SLC41A2: variants seen among roughly 807,000 people sequenced by gnomAD.
SLC41A2 encodes SLC41A1-like 1.
SLC41A2 carries 32 observed loss-of-function variants against 58.3 expected under a neutral mutation model. That is an observed-to-expected ratio of 0.55 (90% CI 0.41 to 0.74). The LOEUF is 0.74. SLC41A2 is among the 30% of genes least tolerant of loss of function. SLC41A2 has a pLI of 0.00. For synonymous variants in SLC41A2, 190 were observed against 235.0 expected, an observed-to-expected ratio of 0.81 and a Z score of 1.75; for missense variants, 514 against 680.6, an observed-to-expected ratio of 0.76 and a Z score of 2.72.
chr12:104,830,709 T>TTCTTCATA (rs2136278776), intron 10 of SLC41A2, among the ~76,000 whole-genome samples: 1 of 152,244 alleles, frequency 6.6e-6, no homozygotes, highest in African/African-American at 2.4e-5. Flanking sequence ...ACACTTAATA[T>TTCTTCATA]TTCTTCATAT....
At chr12:104,808,274 GAAGCA>G (rs2041012363) in intron 10 of SLC41A2, among the ~76,000 whole-genome samples, 3 of 152,170 alleles carry the variant, frequency 2.0e-5, no homozygotes, top group Admixed American at 1.3e-4. Flanking sequence ...TTTTTAGCAG[GAAGCA>G]TTGTTGAATT....
At chr12:104,833,971 A>G (rs2042125986) in intron 10 of SLC41A2, 6 of 961,132 alleles carry the variant, frequency 6.2e-6, no homozygotes, top group Non-Finnish European at 7.4e-6. Flanking sequence ...CAGGATTCAG[A>G]GCACAGGAAG....
chr12:104,951,697 G>A (rs1019387083), intron 1 of SLC41A2, among the ~76,000 whole-genome samples: 2 of 151,698 alleles, frequency 1.3e-5, no homozygotes, highest in Non-Finnish European at 2.9e-5. Flanking sequence ...TCATTTGTAA[G>A]AACAAAATCT....
At chr12:104,844,025 G>T (rs532139367) in intron 10 of SLC41A2, among the ~76,000 whole-genome samples, 7 of 152,190 alleles carry the variant, frequency 4.6e-5, no homozygotes, top group African/African-American at 1.7e-4. Flanking sequence ...TCTCTTCAAA[G>T]AACTATTTGA....
Position 104,862,331 on chromosome 12 carries a change from G to A in SLC41A2, c.1176-961C>T, listed in dbSNP as rs146479105. On this transcript the variant is annotated intron_variant, in intron 7 of 10. Coordinates refer to ENST00000258538, the MANE Select transcript of SLC41A2 (RefSeq NM_001352171.3). Reference sequence around the variant, plus strand: ...GTTCTCATTAAAGAGGTACACTGTAGAGTCCCAAAATAGTCCTCTTTAGAA... The same window carrying A: ...GTTCTCATTAAAGAGGTACACTGTAAAGTCCCAAAATAGTCCTCTTTAGAA... Among the ~76,000 whole-genome samples, 822 of 152,172 alleles carry A rather than the reference G, an allele frequency of 5.4e-3. 9 individuals carry two copies. The highest frequency in any genetic ancestry group is 0.018 in the African/African-American group (752 of 41,508).
intron 1 of SLC41A2, among the ~76,000 whole-genome samples, chr12:104,929,998 TC>T (rs796449759): frequency 3.9e-5 from 6 of 152,302 alleles, no homozygotes; most frequent in African/African-American, 1.4e-4. Flanking sequence ...GTTCATCAAT[TC>T]CATCACTCAC....
intron 8 of SLC41A2, among the ~76,000 whole-genome samples, chr12:104,859,572 C>G (rs745523405): frequency 1.8e-4 from 27 of 151,806 alleles, no homozygotes; most frequent in Non-Finnish European, 3.4e-4. Flanking sequence ...GTGTGGGTGA[C>G]GGGGAGAATG....
chr12:104,909,307 T>C (rs1026550976), intron 3 of SLC41A2, among the ~76,000 whole-genome samples: 1 of 152,196 alleles, frequency 6.6e-6, no homozygotes, highest in Non-Finnish European at 1.5e-5. Flanking sequence ...GTTTTTATAA[T>C]AAGAATGTAT....
chr12:104,880,288 C>T (rs1029318814), intron 6 of SLC41A2, among the ~76,000 whole-genome samples: 1 of 152,140 alleles, frequency 6.6e-6, no homozygotes. Flanking sequence ...TCCTCTCTTC[C>T]TATTGGAATA....
At chr12:104,957,622 A>C (rs149260552) in intron 1 of SLC41A2, among the ~76,000 whole-genome samples, 12 of 152,374 alleles carry the variant, frequency 7.9e-5, no homozygotes, top group African/African-American at 2.6e-4. Context: ...TCTCTCTGTA[A>C]ATGAGCATTT....
chr12:104,869,453 G>A (rs1180959129), intron 6 of SLC41A2, among the ~76,000 whole-genome samples: 1 of 152,176 alleles, frequency 6.6e-6, no homozygotes, highest in Non-Finnish European at 1.5e-5. Flanking sequence ...AACCTTAGGT[G>A]AATCCAGATA....
chr12:104,910,789 G>T (rs549498023), intron 2 of SLC41A2, among the ~76,000 whole-genome samples: 1 of 152,244 alleles, frequency 6.6e-6, no homozygotes, highest in East Asian at 1.9e-4. Flanking sequence ...TGAAACTGAA[G>T]TATTTTACCC....
At chr12:104,957,325 A>T (rs2136005539) in intron 1 of SLC41A2, among the ~76,000 whole-genome samples, 1 of 152,364 alleles carries the variant, frequency 6.6e-6, no homozygotes. Context: ...CACAACAGGC[A>T]AACCCATATA....
chr12:104,937,667 C>T (rs940539282), intron 1 of SLC41A2, among the ~76,000 whole-genome samples: 2 of 152,288 alleles, frequency 1.3e-5, no homozygotes, highest in Middle Eastern at 3.4e-3. Flanking sequence ...GTATTTAGTG[C>T]CTTAGATTCT....
intron 4 of SLC41A2, 44 bp downstream of exon 4, chr12:104,895,230 A>G: frequency 6.9e-7 from 1 of 1,447,634 alleles, no homozygotes; most frequent in Non-Finnish European, 9.7e-7. Context: ...TACAGTCAAA[A>G]TTTGTACACC....
At chr12:104,864,052 T>A (rs1490576747) in intron 7 of SLC41A2, among the ~76,000 whole-genome samples, 1 of 151,930 alleles carries the variant, frequency 6.6e-6, no homozygotes, top group Non-Finnish European at 1.5e-5. Context: ...ACAGCTGTCA[T>A]CCTGTACCTT....
chr12:104,828,879 TTAA>T (rs760596379), intron 10 of SLC41A2, among the ~76,000 whole-genome samples: 31 of 151,762 alleles, frequency 2.0e-4, no homozygotes, highest in Non-Finnish European at 3.7e-4. Flanking sequence ...ACATGAGTGG[TTAA>T]TAAACCCATA....
intron 8 of SLC41A2, among the ~76,000 whole-genome samples, chr12:104,848,450 T>C (rs1592988462): frequency 2.7e-5 from 4 of 149,982 alleles, no homozygotes; most frequent in Admixed American, 2.7e-4. Flanking sequence ...AAAGAGGGAA[T>C]AAAATAAGAA....
intron 10 of SLC41A2, 107 bp downstream of exon 10, chr12:104,844,365 G>T: frequency 1.4e-6 from 1 of 695,530 alleles, no homozygotes; most frequent in Non-Finnish European, 2.2e-6. Flanking sequence ...AAGATGTTCA[G>T]TTGATTTTTG....
Sources: gnomAD v4.1 joint callset for allele counts (sites outside exome capture counted in the v4.1 genomes callset) on GRCh38, gnomAD v4.1.1 for gene constraint, MANE v1.5 for transcripts, NCBI Gene and HGNC (gene_info 2026-07-23, HGNC 2026-07-21) for gene names.